Variants in EIF2AK2 observed in about 807,000 individuals in gnomAD.
EIF2AK2 encodes the protein eukaryotic translation initiation factor 2 alpha kinase 2.
EIF2AK2 carries 40 observed loss-of-function variants against 70.5 expected under a neutral mutation model. The observed-to-expected ratio is 0.57, with a 90% confidence interval of 0.44 to 0.74. The LOEUF is 0.74. Among genes scored for constraint, EIF2AK2 ranks in the 30% least tolerant of loss-of-function variants. The pLI, the probability that EIF2AK2 is intolerant of heterozygous loss-of-function variation, is 0.00. For synonymous variants in EIF2AK2, 198 were observed against 220.9 expected (o/e 0.90, Z 0.92); for missense variants, 555 against 644.3 (o/e 0.86, Z 1.50).
At chr2:37,145,881 T>G (rs1675519842) in intron 4 of EIF2AK2, among the ~76,000 whole-genome samples, 1 of 149,196 alleles carries the variant, frequency 6.7e-6, no homozygotes, top group African/African-American at 2.5e-5. Context: ...GCCTCCCAAG[T>G]AGCTGGGATT....
In EIF2AK2 at chr2:37,148,924, C is replaced by T. The variant is rs1272274738; in HGVS notation, c.-84G>A. ...AAGTGTGGATGTTGATTCTGAAGAC[C>T]GCCAGAGAAGCAAACCTGAGTCAGA... On this transcript the variant is annotated 5_prime_UTR_variant, in exon 2 of 17. Coordinates refer to ENST00000233057, the MANE Select transcript of EIF2AK2 (RefSeq NM_001135651.3). 2 of 820,698 alleles carry T rather than the reference C, an allele frequency of 2.4e-6. No individual in the cohort carries two copies. Among genetic ancestry groups the T allele is most frequent in the African/African-American group, 1.7e-5 (1 of 59,768 alleles). The allele number at this position is 820,698 out of a possible 1,614,324, so 50.8% of individuals were successfully genotyped here.
At chr2:37,125,577 T>G (rs932467543) in intron 11 of EIF2AK2, among the ~76,000 whole-genome samples, 1 of 152,258 alleles carries the variant, frequency 6.6e-6, no homozygotes, top group African/African-American at 2.4e-5. Context: ...GGAGGCCATG[T>G]GGAGGTATTC....
chr2:37,145,740 G>GTTTT (rs1675510878), intron 4 of EIF2AK2, among the ~76,000 whole-genome samples: 1 of 88,562 alleles, frequency 1.1e-5, no homozygotes, highest in African/African-American at 5.0e-5. Context: ...ACTTTTGCTT[G>GTTTT]TCTTTTTTTT....
At chr2:37,149,426 A>G (rs1675667553) in intron 1 of EIF2AK2, 1 of 465,414 alleles carries the variant, frequency 2.1e-6, no homozygotes, top group Admixed American at 3.5e-5. Flanking sequence ...AATGTGCACG[A>G]ATTTTTCATC....
chr2:37,143,387 T>G (rs1221418763), intron 4 of EIF2AK2, among the ~76,000 whole-genome samples: 1 of 152,178 alleles, frequency 6.6e-6, no homozygotes, highest in East Asian at 1.9e-4. Flanking sequence ...TCTGTTCTTA[T>G]TTTCCGGGAT....
chr2:37,129,696 A>G (rs1203296754), intron 10 of EIF2AK2, among the ~76,000 whole-genome samples: 1 of 152,144 alleles, frequency 6.6e-6, no homozygotes, highest in Non-Finnish European at 1.5e-5. Flanking sequence ...GAAACCCCAT[A>G]CAAAACACTG....
intron 13 of EIF2AK2, among the ~76,000 whole-genome samples, chr2:37,119,585 T>A (rs2148674903): frequency 6.6e-6 from 1 of 150,892 alleles, no homozygotes; most frequent in East Asian, 1.9e-4. Context: ...CTATCTTATT[T>A]TATATATATA....
At chr2:37,151,305 C>T (rs776840950) in intron 1 of EIF2AK2, among the ~76,000 whole-genome samples, 2 of 151,954 alleles carry the variant, frequency 1.3e-5, no homozygotes, top group African/African-American at 4.8e-5. Context: ...GACATCTCTC[C>T]AAAGAAAATA....
chr2:37,119,991 G>T lies in EIF2AK2; in HGVS notation c.1216C>A (p.His406Asn). The change falls in exon 13 of 17, where the codon CAT (histidine) becomes AAT (asparagine). Residue 406 changes from histidine (H) to asparagine (N), a missense_variant. His to Asn is a moderately conservative substitution (Grantham distance 68, BLOSUM62 1). This residue lies in a region of EIF2AK2 where 299 missense variants were observed against 375.4 expected (regional missense o/e 0.80). Transcript: ENST00000233057. The stretch of plus-strand genomic sequence containing the variant: ...TCTCTATGAATTAATTTTTTTGAAT[G>T]TATATAATCCACCCCTTTTGTTATT... Reference protein sequence around the residue: ...EQITKGVDYIHSKKLIHRDLK... With the variant: ...EQITKGVDYINSKKLIHRDLK... 6.6e-7 allele frequency: 1 copy of T among 1,506,396 alleles called. No individual in the cohort carries two copies. Among genetic ancestry groups the T allele is most frequent in the South Asian group, 1.4e-5 (1 of 72,232 alleles). The allele number at this position is 1,506,396 out of a possible 1,614,324, so 93.3% of individuals were successfully genotyped here. A position where few individuals can be genotyped will look rare whatever the true frequency, so the allele number is the denominator to read the frequency against.
intron 10 of EIF2AK2, among the ~76,000 whole-genome samples, chr2:37,133,996 T>C (rs1675037893): frequency 6.6e-6 from 1 of 152,196 alleles, no homozygotes; most frequent in Non-Finnish European, 1.5e-5. Context: ...CTATAAACCT[T>C]ACACAACCCC....
chr2:37,125,199 AG>A (rs1674690442), intron 11 of EIF2AK2, among the ~76,000 whole-genome samples: 1 of 151,884 alleles, frequency 6.6e-6, no homozygotes, highest in Admixed American at 6.6e-5. Flanking sequence ...TTCAGTAGAG[AG>A]GGGTTTCTCC....
intron 14 of EIF2AK2, 138 bp downstream of exon 14, chr2:37,114,593 T>C (rs1674270600): frequency 1.7e-6 from 1 of 603,080 alleles, no homozygotes; most frequent in Admixed American, 3.8e-5. Flanking sequence ...ATAAGAAGAA[T>C]AGGGGTAGAA....
intron 12 of EIF2AK2, among the ~76,000 whole-genome samples, chr2:37,121,770 C>T (rs998887245): frequency 2.6e-5 from 4 of 151,984 alleles, no homozygotes; most frequent in African/African-American, 4.8e-5. Context: ...TGTATGCTGA[C>T]GGTCAATAAC....
In EIF2AK2 at chr2:37,102,859, TAA is replaced by T. The variant is rs1673859912; in HGVS notation, c.*4412_*4413del. Reference sequence around the variant, plus strand: ...GTATATACATTGAATATATTTAACATAAGTGTTAAGTATGCATGTGAATTTTA... The same window carrying T: ...GTATATACATTGAATATATTTAACATGTGTTAAGTATGCATGTGAATTTTA... On this transcript the variant is annotated 3_prime_UTR_variant, in exon 17 of 17. Coordinates refer to ENST00000233057, the MANE Select transcript of EIF2AK2 (RefSeq NM_001135651.3). 6.6e-6 allele frequency: 1 copy of T among 152,180 alleles called. No individual in the cohort carries two copies. Among genetic ancestry groups the T allele is most frequent in the African/African-American group, 2.4e-5 (1 of 41,442 alleles). 9.4% of individuals were successfully genotyped at this position (152,180 alleles called of 1,614,324 possible).
At chr2:37,138,956 C>T (rs952941004) in intron 6 of EIF2AK2, among the ~76,000 whole-genome samples, 7 of 151,070 alleles carry the variant, frequency 4.6e-5, no homozygotes, top group African/African-American at 1.5e-4. Flanking sequence ...CCACCACACC[C>T]GTCTAATTTT....
intron 15 of EIF2AK2, 21 bp from the exon 16 acceptor site, chr2:37,107,548 T>A (rs886295368): frequency 1.2e-6 from 2 of 1,602,200 alleles, no homozygotes; most frequent in Non-Finnish European, 1.7e-6. Context: ...AAATGATAGG[T>A]GTATATTAGG....
chr2:37,122,150 G>A (rs1422342631), intron 12 of EIF2AK2, among the ~76,000 whole-genome samples: 1 of 140,588 alleles, frequency 7.1e-6, no homozygotes, highest in Non-Finnish European at 1.6e-5. Flanking sequence ...GCCCCCAGAT[G>A]CAGCATCTAT....
In EIF2AK2 at chr2:37,120,091, C is replaced by T; in HGVS notation, c.1116G>A (p.Gly372=). Residue 372 remains glycine, a synonymous_variant, in exon 13 of 17, where the codon GGG becomes GGA. Coordinates refer to ENST00000233057, the MANE Select transcript of EIF2AK2 (RefSeq NM_001135651.3). ...TTTTTTCAATCCATTGTTCCAAGGT[C>T]CCTTTATCACAGAATTCCATTTGGA... ...LFIQMEFCDK[G]TLEQWIEKRR... is the part of the protein sequence containing the mutation. 1 of 1,494,822 alleles carries T rather than the reference C, an allele frequency of 6.7e-7. No homozygotes were observed. Among genetic ancestry groups the T allele is most frequent in the East Asian group, 2.5e-5 (1 of 39,278 alleles). The allele number at this position is 1,494,822 out of a possible 1,614,324, so 92.6% of individuals were successfully genotyped here.
intron 12 of EIF2AK2, 109 bp downstream of exon 12, chr2:37,122,397 A>C: frequency 1.7e-6 from 2 of 1,175,398 alleles, no homozygotes; most frequent in Non-Finnish European, 2.4e-6. Context: ...CTCAGAGGGA[A>C]TTGTGATAAT....
Sources: gnomAD v4.1 joint callset for allele counts (sites outside exome capture counted in the v4.1 genomes callset) on GRCh38, gnomAD v4.1.1 for gene constraint, gnomAD v4.1.1 regional missense constraint, MANE v1.5 for transcripts, NCBI Gene and HGNC (gene_info 2026-07-23, HGNC 2026-07-21) for gene names.